Variants in TTC3 observed in about 807,000 individuals in gnomAD.
TTC3 encodes tetratricopeptide repeat domain 3.
In TTC3, 180 loss-of-function variants were observed where a neutral mutation model predicts 249.6. That is an observed-to-expected ratio of 0.72 (90% CI 0.64 to 0.82). The LOEUF is 0.82. Among genes scored for constraint, TTC3 ranks in the 40% least tolerant of loss-of-function variants. The probability of loss-of-function intolerance (pLI) is 0.00; values close to 1 mark genes in which losing one functional copy is unlikely to be tolerated. For missense variants in TTC3, 2,061 were observed against 2,398.4 expected (o/e 0.86, Z 2.94); for synonymous variants, 717 against 805.0 (o/e 0.89, Z 1.85).
rs759989635 is a variant in TTC3, at chr21:37,147,474, G to A, written c.1894-7G>A. Reference sequence around the variant, plus strand: ...TAATGGTATCATTTTTGTTTATTTTGTTTTAGATGCTGTTAGAGAAATTTG... The same window carrying A: ...TAATGGTATCATTTTTGTTTATTTTATTTTAGATGCTGTTAGAGAAATTTG... On this transcript the variant is annotated splice_polypyrimidine_tract_variant and splice_region_variant and intron_variant, in intron 21 of 45. Coordinates refer to ENST00000355666, the Ensembl canonical transcript of TTC3. The A allele has an allele frequency of 5.6e-6, 9 of 1,598,980 alleles. No individual in the cohort carries two copies. The Admixed American group carries it at 1.1e-4, about 19-fold the overall frequency.
chr21:37,092,208 A>T (rs1317400554), intron 7 of TTC3, among the ~76,000 whole-genome samples: 1 of 152,192 alleles, frequency 6.6e-6, no homozygotes, highest in African/African-American at 2.4e-5. Context: ...TTGAAACAGG[A>T]AAGGTTTGGC....
chr21:37,158,205 T>C, intron 28 of TTC3: 1 of 985,426 alleles, frequency 1.0e-6, no homozygotes, highest in Non-Finnish European at 1.2e-6. Flanking sequence ...CTGCTGCTGG[T>C]AATAAAATGC....
chr21:37,160,972 AC>A, intron 30 of TTC3, 114 bp downstream of exon 30: 1 of 997,670 alleles, frequency 1.0e-6, no homozygotes, highest in Non-Finnish European at 1.4e-6. Context: ...GTAGAGAAAG[AC>A]TTTCTAGGAC....
At chr21:37,153,439 C>T (rs1266402078) in intron 27 of TTC3, 162 bp downstream of exon 27, 8 of 683,922 alleles carry the variant, frequency 1.2e-5, no homozygotes, top group Middle Eastern at 4.2e-4. Flanking sequence ...ACTTGGGAGG[C>T]GGAGGCAGGA....
rs138726541 is a variant in TTC3, at chr21:37,112,989, C to G, written c.900+4543C>G. 7.2e-5 allele frequency among the ~76,000 whole-genome samples: 11 copies of G among 152,290 alleles called. No homozygotes were observed. The East Asian group carries it at 2.1e-3, about 29-fold the overall frequency. On this transcript the variant is annotated intron_variant, in intron 11 of 45. Transcript: ENST00000355666. ...AGAAAAGTCCTTTGACAAAATTCAA[C>G]AACGCTTCATGCTAAAAACTCTCAG...
intron 35 of TTC3, among the ~76,000 whole-genome samples, chr21:37,177,599 C>G (rs779213903): frequency 6.6e-6 from 1 of 152,134 alleles, no homozygotes; most frequent in Non-Finnish European, 1.5e-5. Context: ...GTTTGTCATT[C>G]GATTTCTCAC....
At chr21:37,126,097 G>T in exon 15 of TTC3, 1 of 1,605,684 alleles carries the variant, frequency 6.2e-7, no homozygotes. Flanking sequence ...ATGAGGCGTT[G>T]AAGGTAGATG....
chr21:37,197,551 C>A lies in TTC3; in HGVS notation c.5580-19C>A, dbSNP rs898784058. The A allele has an allele frequency of 4.3e-6, 7 of 1,611,536 alleles. No homozygotes were observed. In the African/African-American group the frequency reaches 9.4e-5, roughly 22 times the overall value. On this transcript the variant is annotated intron_variant, in intron 42 of 45. Coordinates refer to ENST00000355666, the Ensembl canonical transcript of TTC3. ...TAGAGAACTTTCTGTTGTCATTCAT[C>A]ACTCACTCTCCCTTTCAGCACTGAG...
chr21:37,150,911 G>A (rs758579851), intron 25 of TTC3, 27 bp downstream of exon 25: 4 of 1,454,082 alleles, frequency 2.8e-6, no homozygotes, highest in Non-Finnish European at 3.8e-6. Flanking sequence ...TCAATCAGTG[G>A]TTTGATGATG....
chr21:37,099,749 G>A (rs2074295479), intron 10 of TTC3, among the ~76,000 whole-genome samples: 1 of 152,140 alleles, frequency 6.6e-6, no homozygotes, highest in Non-Finnish European at 1.5e-5. Flanking sequence ...ATTTGACAAG[G>A]TGAAGATGTG....
intron 2 of TTC3, 23 bp from the exon 3 acceptor site, chr21:37,087,810 C>A: frequency 4.5e-6 from 7 of 1,552,578 alleles, no homozygotes; most frequent in South Asian, 1.2e-5. Flanking sequence ...AGACACAAAT[C>A]AAAATAATTT....
intron 1 of TTC3, among the ~76,000 whole-genome samples, chr21:37,079,152 T>C (rs2071274856): frequency 1.3e-5 from 2 of 152,236 alleles, no homozygotes; most frequent in Non-Finnish European, 2.9e-5. Context: ...TTTTATGAAC[T>C]ACTAGATTGA....
At chr21:37,115,539 G>A (rs561519860) in intron 11 of TTC3, among the ~76,000 whole-genome samples, 1 of 152,298 alleles carries the variant, frequency 6.6e-6, no homozygotes, top group East Asian at 1.9e-4. Flanking sequence ...CACATGGTTT[G>A]ATATGCAAGG....
chr21:37,084,524 G>A (rs1035492359), intron 1 of TTC3, among the ~76,000 whole-genome samples: 4 of 152,140 alleles, frequency 2.6e-5, no homozygotes, highest in African/African-American at 9.7e-5. Flanking sequence ...TGATCAGGTA[G>A]GTAGTATCGT....
At chr21:37,076,944 G>C (rs1245032619) in intron 1 of TTC3, among the ~76,000 whole-genome samples, 1 of 151,878 alleles carries the variant, frequency 6.6e-6, no homozygotes, top group Non-Finnish European at 1.5e-5. Flanking sequence ...CAGGTGATCT[G>C]CCCGACTCGG....
At chr21:37,153,343 A>T (rs758967622) in intron 27 of TTC3, 66 bp downstream of exon 27, 7 of 1,378,314 alleles carry the variant, frequency 5.1e-6, no homozygotes, top group East Asian at 2.4e-5. Flanking sequence ...TCTCTGAGTC[A>T]TTTTCATTTT....
chr21:37,172,702 G>T, exon 35 of TTC3: 1 of 1,614,020 alleles, frequency 6.2e-7, no homozygotes, highest in Non-Finnish European at 8.5e-7. Flanking sequence ...AAGAGACCAG[G>T]GACCTGGAAG....
exon 45 of TTC3, chr21:37,200,275 A>G: frequency 1.9e-6 from 3 of 1,614,254 alleles, no homozygotes; most frequent in Non-Finnish European, 8.5e-7. Flanking sequence ...GAGGTGTTCA[A>G]ATCAAAAAAC....
chr21:37,077,082 A>T (rs115642610), intron 1 of TTC3, among the ~76,000 whole-genome samples: 1 of 143,404 alleles, frequency 7.0e-6, no homozygotes, highest in Non-Finnish European at 1.5e-5. Flanking sequence ...CTTAAGAGAG[A>T]TATTTCCAAT....
Sources: allele counts gnomAD v4.1 joint callset (sites outside exome capture counted in the v4.1 genomes callset), GRCh38; gene constraint gnomAD v4.1.1; transcripts MANE v1.5; gene names NCBI Gene and HGNC (gene_info 2026-07-23, HGNC 2026-07-21).